SLBP: variants seen among roughly 807,000 people sequenced by gnomAD.
The protein encoded by SLBP is histone RNA hairpin-binding protein.
Under a neutral mutation model 39.2 loss-of-function variants are expected in SLBP, and 29 were observed. The ratio of observed to expected loss-of-function variants is 0.74; its 90% CI spans 0.55 to 1.01. The LOEUF (loss-of-function observed/expected upper bound fraction) is 1.01. Ranked by LOEUF, SLBP falls within the 50% of genes least tolerant of loss-of-function variation. The probability of loss-of-function intolerance (pLI) is 0.00; values close to 1 mark genes in which losing one functional copy is unlikely to be tolerated. For missense variants in SLBP, 390 were observed against 350.2 expected (o/e 1.11, Z -0.91); for synonymous variants, 129 against 118.7 (o/e 1.09, Z -0.57).
chr4:1,702,589 G>C (rs1008326231), intron 3 of SLBP, among the ~76,000 whole-genome samples: 5 of 152,162 alleles, frequency 3.3e-5, no homozygotes, highest in African/African-American at 1.2e-4. Flanking sequence ...AACTGGGTTT[G>C]AATAAACCCA....
At chr4:1,700,127 G>T (rs765476665) in intron 3 of SLBP, 57 bp from the exon 4 acceptor site, 1 of 1,295,684 alleles carries the variant, frequency 7.7e-7, no homozygotes, top group Non-Finnish European at 1.1e-6. Flanking sequence ...AAAGCAGCCA[G>T]GTCTGAGGAA....
At chr4:1,700,212 A>C (rs1716273867) in intron 3 of SLBP, 142 bp from the exon 4 acceptor site, 1 of 488,450 alleles carries the variant, frequency 2.0e-6, no homozygotes, top group Non-Finnish European at 3.6e-6. Flanking sequence ...AATCTTTGTC[A>C]GGTTCAGTTT....
intron 7 of SLBP, among the ~76,000 whole-genome samples, chr4:1,694,105 CAG>C (rs534369065): frequency 6.4e-4 from 98 of 152,326 alleles, no homozygotes; most frequent in African/African-American, 1.7e-3. Context: ...TCTCTTGAGA[CAG>C]AGTCTCACTC....
intron 5 of SLBP, 105 bp from the exon 6 acceptor site, chr4:1,696,456 C>T (rs798719): frequency 0.78 from 797,859 of 1,016,416 alleles, 314,562 homozygotes; most frequent in East Asian, 0.85. Flanking sequence ...TTAAATATTA[C>T]AGATCACCAG....
intron 2 of SLBP, among the ~76,000 whole-genome samples, chr4:1,707,501 T>C (rs917327616): frequency 2.7e-5 from 4 of 146,226 alleles, no homozygotes; most frequent in Admixed American, 6.8e-5. Flanking sequence ...ATAATTAAAA[T>C]TTAAAAAATA....
chr4:1,712,219 C>T lies in SLBP; in HGVS notation c.-31G>A, dbSNP rs1034439041. 1 of 1,252,280 alleles carries T rather than the reference C, an allele frequency of 8.0e-7. No homozygotes were observed. 77.6% of individuals were successfully genotyped at this position (1,252,280 alleles called of 1,614,324 possible). Reference sequence around the variant, plus strand: ...CACGGGCCGGGCGCGCAGCGCAGGGCCGAGGCTGAGGCGGCGGCGGCGCGG... The same window carrying T: ...CACGGGCCGGGCGCGCAGCGCAGGGTCGAGGCTGAGGCGGCGGCGGCGCGG... On this transcript the variant is annotated 5_prime_UTR_variant, in exon 1 of 8. Transcript: ENST00000489418.
At chr4:1,696,434 A>G in intron 5 of SLBP, 83 bp from the exon 6 acceptor site, 1 of 1,182,630 alleles carries the variant, frequency 8.5e-7, no homozygotes, top group Non-Finnish European at 1.2e-6. Context: ...AAACTATGAG[A>G]TTAGTATTAT....
chr4:1,703,688 A>C lies in SLBP; in HGVS notation c.189T>G (p.Pro63=). The change falls in exon 3 of 8, where the codon CCT becomes CCG. Residue 63 remains proline (P), a synonymous_variant. Transcript: ENST00000489418. ...AERRPESFTT[P]EGPKPRSRCS... ...ATCTGGAACGGGGTTTAGGGCCTTC[A>C]GGAGTGGTAAAGCTGCAATAAAAGG... The C allele has an allele frequency of 6.2e-7, 1 of 1,611,054 alleles. No individual in the cohort carries two copies. The highest frequency in any genetic ancestry group is 1.7e-5 in the Admixed American group (1 of 60,016).
chr4:1,697,485 T>C (rs1470781295), intron 5 of SLBP, among the ~76,000 whole-genome samples: 1 of 151,188 alleles, frequency 6.6e-6, no homozygotes, highest in Non-Finnish European at 1.5e-5. Context: ...AATAAATAAA[T>C]AAAAAATCAA....
Position 1,703,650 on chromosome 4 carries a change from G to T in SLBP, c.227C>A (p.Ala76Glu). The T allele has an allele frequency of 1.2e-6, 2 of 1,613,906 alleles. No homozygotes were observed. The highest frequency in any genetic ancestry group is 1.7e-6 in the Non-Finnish European group (2 of 1,179,784). Residue 76 changes from alanine to glutamate, a missense_variant, in exon 3 of 8, where the codon GCA becomes GAA. Coordinates refer to ENST00000489418, the MANE Select transcript of SLBP (RefSeq NM_006527.4). ...PKPRSRCSDW[A>E]SAVEEDEMRT... The stretch of plus-strand genomic sequence containing the variant: ...CATTTCATCTTCTTCAACTGCACTT[G>T]CCCAGTCAGAGCATCTGGAACGGGG...
At chr4:1,699,776 G>A in intron 4 of SLBP, 75 bp from the exon 5 acceptor site, 1 of 1,380,876 alleles carries the variant, frequency 7.2e-7, no homozygotes, top group Non-Finnish European at 1.0e-6. Flanking sequence ...CCAAGAAAAT[G>A]TCAAAACACA....
intron 2 of SLBP, among the ~76,000 whole-genome samples, chr4:1,705,520 T>C (rs1716484882): frequency 6.6e-6 from 1 of 152,202 alleles, no homozygotes. Context: ...ATCATGGGAC[T>C]GTCTTTAGTT....
rs1336704612 is a variant in SLBP at position 1,712,254 on chromosome 4, G to T, written c.-66C>A. The T allele has an allele frequency of 1.0e-6, 1 of 991,662 alleles. No individual in the cohort carries two copies. The highest frequency in any genetic ancestry group is 1.3e-6 in the Non-Finnish European group (1 of 748,184). The allele number at this position is 991,662 out of a possible 1,614,324, so 61.4% of individuals were successfully genotyped here. On this transcript the variant is annotated 5_prime_UTR_variant, in exon 1 of 8. Coordinates refer to ENST00000489418, the MANE Select transcript of SLBP (RefSeq NM_006527.4). ...GGCGGCGGCGGCGCGGGCAGAGAGC[G>T]CAGAGTAGAGCAGGGCAGGGCCTGA...
intron 2 of SLBP, among the ~76,000 whole-genome samples, chr4:1,709,068 CTTT>C (rs3993283): frequency 2.1e-5 from 3 of 144,984 alleles, no homozygotes; most frequent in Non-Finnish European, 1.5e-5. Flanking sequence ...AGTCTTTTGT[CTTT>C]TTTTTTTTTT....
rs1365537477 is a variant in SLBP, at chr4:1,711,907, G to C, written c.143C>G (p.Ala48Gly). ...RRWRPEDAEE[A>G]EHRGAERRPE... ...TCTGCGCTCGGCGCCGCGGTGCTCTGCCTCCTCGGCGTCTTCGGGCCTCCA... is the reference window on the plus strand; with the variant it reads ...TCTGCGCTCGGCGCCGCGGTGCTCTCCCTCCTCGGCGTCTTCGGGCCTCCA... Residue 48 changes from alanine to glycine, a missense_variant, in exon 2 of 8, where the codon GCA becomes GGA. Transcript: ENST00000489418. 5.9e-6 allele frequency: 8 copies of C among 1,366,326 alleles called. No homozygotes were observed. Among genetic ancestry groups the C allele is most frequent in the Non-Finnish European group, 7.6e-6 (8 of 1,058,776 alleles). 84.6% of individuals were successfully genotyped at this position (1,366,326 alleles called of 1,614,324 possible). A position where few individuals can be genotyped will look rare whatever the true frequency, so the allele number is the denominator to read the frequency against.
intron 6 of SLBP, among the ~76,000 whole-genome samples, 186 bp from the exon 7 acceptor site, chr4:1,695,026 G>C (rs904402421): frequency 1.3e-5 from 2 of 152,194 alleles, no homozygotes; most frequent in South Asian, 4.1e-4. Flanking sequence ...ATCCAGCAAA[G>C]AGAAAGCGGA....
At chr4:1,710,373 C>CA (rs1461397228) in intron 2 of SLBP, among the ~76,000 whole-genome samples, 1 of 152,240 alleles carries the variant, frequency 6.6e-6, no homozygotes, top group Non-Finnish European at 1.5e-5. Context: ...CAAATGGCCC[C>CA]AATCAACAGC....
chr4:1,709,189 G>A (rs1373346270), intron 2 of SLBP, among the ~76,000 whole-genome samples: 2 of 151,776 alleles, frequency 1.3e-5, no homozygotes, highest in Non-Finnish European at 2.9e-5. Context: ...TCAACCTCCC[G>A]AGTAGCTGGG....
chr4:1,711,829 C>T, intron 2 of SLBP, 45 bp downstream of exon 2: 2 of 1,091,650 alleles, frequency 1.8e-6, no homozygotes, highest in African/African-American at 1.6e-5. Context: ...CCCGCGGCCT[C>T]GTCAAGGGCC....
Sources: allele counts gnomAD v4.1 joint callset (sites outside exome capture counted in the v4.1 genomes callset), GRCh38; gene constraint gnomAD v4.1.1; transcripts MANE v1.5; gene names NCBI Gene and HGNC (gene_info 2026-07-23, HGNC 2026-07-21).